FAM131B: variants seen among roughly 807,000 people sequenced by gnomAD.
The protein encoded by FAM131B is protein FAM131B.
Under a neutral mutation model 42.0 loss-of-function variants are expected in FAM131B, and 19 were observed. The ratio of observed to expected loss-of-function variants is 0.45; its 90% CI spans 0.32 to 0.66. The LOEUF (loss-of-function observed/expected upper bound fraction) is 0.66, where lower values mean the gene tolerates loss of function less well. Among genes scored for constraint, FAM131B ranks in the 30% least tolerant of loss-of-function variants. The pLI, the probability that FAM131B is intolerant of heterozygous loss-of-function variation, is 0.05. For synonymous variants in FAM131B, 183 were observed against 177.6 expected, an observed-to-expected ratio of 1.03 and a Z score of -0.24; for missense variants, 370 against 468.4, an observed-to-expected ratio of 0.79 and a Z score of 1.94.
the FAM131B span, among the ~76,000 whole-genome samples, chr7:143,374,909 C>T: frequency 6.6e-6 from 1 of 152,176 alleles, no homozygotes; most frequent in Admixed American, 6.5e-5. Flanking sequence ...CCGGATGCAT[C>T]CTATTCCTTT....
upstream of FAM131B, among the ~76,000 whole-genome samples, chr7:143,363,271 A>C (rs1407550881): frequency 6.6e-6 from 1 of 152,154 alleles, no homozygotes; most frequent in Non-Finnish European, 1.5e-5. Flanking sequence ...AAGTCTTTGC[A>C]AGTGAATCGT....
rs1049325674 is a variant in FAM131B at position 143,356,713 on chromosome 7, G to A, written c.920C>T (p.Pro307Leu). ...ARGPAEEEKRPLAPEEEEDAG... is the reference protein window; with the variant it reads ...ARGPAEEEKRLLAPEEEEDAG... ...ATCCTCTTCCTCCTCAGGTGCCAAT[G>A]GCCTCTTCTCCTCCTCAGCAGGGCC... Residue 307 changes from proline to leucine, a missense_variant, in exon 7 of 7, where the codon CCA becomes CTA. Coordinates refer to ENST00000443739, the MANE Select transcript of FAM131B (RefSeq NM_001031690.3). The surrounding 1 kb of genome is among the most constrained non-coding windows in gnomAD (Gnocchi z 4.4). 6 of 1,614,128 alleles carry A rather than the reference G, an allele frequency of 3.7e-6. No homozygotes were observed. The Admixed American group carries it at 5.0e-5, about 13-fold the overall frequency.
upstream of FAM131B, among the ~76,000 whole-genome samples, chr7:143,364,492 G>A (rs1380195146): frequency 6.6e-6 from 1 of 152,010 alleles, no homozygotes; most frequent in Non-Finnish European, 1.5e-5. Context: ...ATATGACTAC[G>A]TATCTCTTAC....
At position 143,362,650 on chromosome 7, in the gene FAM131B, G is replaced by T; in HGVS notation, c.-47C>A. On this transcript the variant is annotated 5_prime_UTR_variant, in exon 1 of 7. Coordinates refer to ENST00000443739, the MANE Select transcript of FAM131B (RefSeq NM_001031690.3). The surrounding 1 kb of genome is among the most constrained non-coding windows in gnomAD (Gnocchi z 7.7). ...GGGCCCTCACCGACTCGGGGCGCGC[G>T]CCGGGGGGAGCACCGGGAGCCGCGC... The T allele has an allele frequency of 1.7e-6, 2 of 1,144,404 alleles. No individual in the cohort carries two copies. The highest frequency in any genetic ancestry group is 2.2e-6 in the Non-Finnish European group (2 of 918,590). 70.9% of individuals were successfully genotyped at this position (1,144,404 alleles called of 1,614,324 possible).
rs1239076536 is a variant in FAM131B, at chr7:143,359,040, T to C, written c.269-16A>G. On this transcript the variant is annotated splice_polypyrimidine_tract_variant and intron_variant, in intron 4 of 6. Transcript: ENST00000443739. The surrounding 1 kb of genome is among the most constrained non-coding windows in gnomAD (Gnocchi z 5.4). ...CGTGAGATCCCTATGGGGCCAGACA[T>C]TTCCCACATCCTCCAGAATATCACA... 6.2e-7 allele frequency: 1 copy of C among 1,611,326 alleles called. No individual in the cohort carries two copies. The highest frequency in any genetic ancestry group is 8.5e-7 in the Non-Finnish European group (1 of 1,178,866).
the FAM131B span, among the ~76,000 whole-genome samples, chr7:143,376,521 T>A: frequency 6.6e-6 from 1 of 152,214 alleles, no homozygotes; most frequent in African/African-American, 2.4e-5. Context: ...TTTGTGGTTG[T>A]CAGTCCCACC....
At chr7:143,377,235 G>C in the FAM131B span, among the ~76,000 whole-genome samples, 1 of 152,242 alleles carries the variant, frequency 6.6e-6, no homozygotes, top group East Asian at 1.9e-4. Context: ...TGAGATTACA[G>C]GCATGAGCCA....
Position 143,356,712 on chromosome 7 carries a change from T to C in FAM131B, c.921A>G (p.Pro307=), listed in dbSNP as rs1803672026. 1 of 1,614,106 alleles carries C rather than the reference T, an allele frequency of 6.2e-7. No individual in the cohort carries two copies. Among genetic ancestry groups the C allele is most frequent in the South Asian group, 1.1e-5 (1 of 91,072 alleles). Residue 307 remains proline (P), a synonymous_variant, in exon 7 of 7, where the codon CCA becomes CCG. Coordinates refer to ENST00000443739, the MANE Select transcript of FAM131B (RefSeq NM_001031690.3). This position sits in a 1 kb window ranked among gnomAD's most constrained non-coding sequence, Gnocchi z 4.4. Reference sequence around the variant, plus strand: ...CATCCTCTTCCTCCTCAGGTGCCAATGGCCTCTTCTCCTCCTCAGCAGGGC... The same window carrying C: ...CATCCTCTTCCTCCTCAGGTGCCAACGGCCTCTTCTCCTCCTCAGCAGGGC... ...ARGPAEEEKR[P]LAPEEEEDAG...
intron 5 of FAM131B, among the ~76,000 whole-genome samples, chr7:143,357,727 G>T (rs903673384): frequency 2.0e-5 from 3 of 152,038 alleles, no homozygotes; most frequent in Non-Finnish European, 4.4e-5. Flanking sequence ...AGATCCAGCT[G>T]GTATTTTATA....
chr7:143,357,152 G>A, intron 6 of FAM131B, 128 bp downstream of exon 6: 1 of 1,159,920 alleles, frequency 8.6e-7, no homozygotes, highest in Non-Finnish European at 1.3e-6. Flanking sequence ...TGCACAGTGA[G>A]TAGGGAGGAC....
chr7:143,362,492 G>A lies in FAM131B; in HGVS notation c.28+84C>T, dbSNP rs1158820596. The A allele has an allele frequency of 1.1e-5, 6 of 566,244 alleles. No homozygotes were observed. The African/African-American group carries it at 1.2e-4, about 11-fold the overall frequency. The allele number at this position is 566,244 out of a possible 1,614,324, so 35.1% of individuals were successfully genotyped here. Reference sequence around the variant, plus strand: ...AGGCGGGTGCGGAGCGGGGCGCCCGGAGGCGCGAGGAGAGGGATGGGGGAG... The same window carrying A: ...AGGCGGGTGCGGAGCGGGGCGCCCGAAGGCGCGAGGAGAGGGATGGGGGAG... On this transcript the variant is annotated intron_variant, in intron 1 of 6. Coordinates refer to ENST00000443739, the MANE Select transcript of FAM131B (RefSeq NM_001031690.3). This position sits in a 1 kb window ranked among gnomAD's most constrained non-coding sequence, Gnocchi z 7.7.
In FAM131B at chr7:143,355,103, T is replaced by C. The variant is rs996286847; in HGVS notation, c.*1447A>G. On this transcript the variant is annotated 3_prime_UTR_variant, in exon 7 of 7. Coordinates refer to ENST00000443739, the MANE Select transcript of FAM131B (RefSeq NM_001031690.3). This position sits in a 1 kb window ranked among gnomAD's most constrained non-coding sequence, Gnocchi z 4.1. ...TAGGGCAGTGAGCCTCTTAGGCCTC[T>C]CTCTCCTACCCGAACTCTGCCTGTG... 2.6e-5 allele frequency: 4 copies of C among 152,466 alleles called. No homozygotes were observed. Among genetic ancestry groups the C allele is most frequent in the African/African-American group, 9.7e-5 (4 of 41,436 alleles). 9.4% of individuals were successfully genotyped at this position (152,466 alleles called of 1,614,324 possible).
the FAM131B span, among the ~76,000 whole-genome samples, chr7:143,371,960 A>G: frequency 6.6e-6 from 1 of 152,152 alleles, no homozygotes; most frequent in African/African-American, 2.4e-5. Flanking sequence ...AGAGCCTAGG[A>G]AAGGTTTTTT....
chr7:143,376,966 C>A, the FAM131B span, among the ~76,000 whole-genome samples: 7 of 152,160 alleles, frequency 4.6e-5, no homozygotes, highest in African/African-American at 1.7e-4. Context: ...GTTAACAATT[C>A]TTTTTTATTT....
At chr7:143,362,724 G>T (rs956441199), upstream of FAM131B, 2 of 374,336 alleles carry the variant, frequency 5.3e-6, no homozygotes, top group Non-Finnish European at 4.2e-6. This position sits in a 1 kb window ranked among gnomAD's most constrained non-coding sequence, Gnocchi z 7.7. Flanking sequence ...GCTCGGCTCC[G>T]CTCCCCCCTC....
chr7:143,363,051 A>C (rs909361110), upstream of FAM131B, among the ~76,000 whole-genome samples: 2 of 151,866 alleles, frequency 1.3e-5, no homozygotes, highest in Non-Finnish European at 2.9e-5. Context: ...TGGTTGATGG[A>C]TTTTGCGGGC....
In FAM131B at chr7:143,353,729, TAATA is replaced by T. The variant is rs1358193571; in HGVS notation, c.*2817_*2820del. 1 of 152,104 alleles carries T rather than the reference TAATA, an allele frequency of 6.6e-6. No homozygotes were observed. The highest frequency in any genetic ancestry group is 1.9e-4 in the East Asian group (1 of 5,156). 9.4% of individuals were successfully genotyped at this position (152,104 alleles called of 1,614,324 possible). A position where few individuals can be genotyped will look rare whatever the true frequency, so the allele number is the denominator to read the frequency against. ...TGTATAGGTGAGGTCGTGGAGAAGATAATAAACTCATTCCCCAAGATACCCTCTT... is the reference window on the plus strand; with the variant it reads ...TGTATAGGTGAGGTCGTGGAGAAGATAACTCATTCCCCAAGATACCCTCTT... On this transcript the variant is annotated 3_prime_UTR_variant, in exon 7 of 7. Transcript: ENST00000443739.
At chr7:143,366,604 C>A (rs535544693), upstream of FAM131B, among the ~76,000 whole-genome samples, 2 of 149,634 alleles carry the variant, frequency 1.3e-5, no homozygotes, top group South Asian at 2.1e-4. Context: ...ATCACCCAGG[C>A]TGGAGTGCAG....
chr7:143,372,831 C>T, the FAM131B span, among the ~76,000 whole-genome samples: 1 of 151,970 alleles, frequency 6.6e-6, no homozygotes, highest in Admixed American at 6.5e-5. Context: ...TCGTGGTGGG[C>T]ACCTGTAATC....
Sources: gnomAD v4.1 joint callset for allele counts (sites outside exome capture counted in the v4.1 genomes callset) on GRCh38, gnomAD v4.1.1 for gene constraint, Gnocchi (gnomAD v3.1) non-coding constraint, MANE v1.5 for transcripts, NCBI Gene and HGNC (gene_info 2026-07-23, HGNC 2026-07-21) for gene names.